RMDN2: variants seen among roughly 807,000 people sequenced by gnomAD.
RMDN2 encodes the protein regulator of microtubule dynamics 2.
In RMDN2, 61 loss-of-function variants were observed where a neutral mutation model predicts 52.8. The ratio of observed to expected loss-of-function variants is 1.16; its 90% CI spans 0.94 to 1.43. The LOEUF (loss-of-function observed/expected upper bound fraction) is 1.43, where lower values mean the gene tolerates loss of function less well. Among genes scored for constraint, RMDN2 ranks in the 40% most tolerant of loss-of-function variants. RMDN2 has a pLI of 0.00. For missense variants in RMDN2, 592 were observed against 475.3 expected, an observed-to-expected ratio of 1.25 and a Z score of -2.28; for synonymous variants, 180 against 153.1, an observed-to-expected ratio of 1.18 and a Z score of -1.30.
chr2:38,028,316 A>G (rs142532555), intron 10 of RMDN2: 186 of 152,392 alleles, frequency 1.2e-3, no homozygotes, highest in African/African-American at 4.0e-3. Flanking sequence ...TATCACGTCC[A>G]GAAAAATAAC....
chr2:38,039,982 A>T (rs1197511625), intron 10 of RMDN2, among the ~76,000 whole-genome samples: 1 of 151,646 alleles, frequency 6.6e-6, no homozygotes, highest in Non-Finnish European at 1.5e-5. Flanking sequence ...TGAATTTTAC[A>T]TTTAGGTCCA....
intron 2 of RMDN2, among the ~76,000 whole-genome samples, chr2:37,940,804 A>C (rs1049014214): frequency 1.3e-5 from 2 of 152,088 alleles, no homozygotes; most frequent in Admixed American, 6.5e-5. Context: ...CCTTTTATCA[A>C]GGTTCTTAGT....
chr2:37,923,323 A>G (rs1388950280), upstream of RMDN2: 2 of 152,222 alleles, frequency 1.3e-5, no homozygotes, highest in Non-Finnish European at 2.9e-5. Flanking sequence ...CTGAACCTGA[A>G]GATCAAGTCA....
chr2:38,006,024 A>G (rs1677032144), intron 10 of RMDN2, among the ~76,000 whole-genome samples: 1 of 152,044 alleles, frequency 6.6e-6, no homozygotes, highest in African/African-American at 2.4e-5. Flanking sequence ...GATATGCAGC[A>G]TTATTTCTGA....
chr2:38,048,795 G>A (rs1224577971), intron 10 of RMDN2, among the ~76,000 whole-genome samples: 2 of 152,220 alleles, frequency 1.3e-5, no homozygotes, highest in Non-Finnish European at 2.9e-5. Flanking sequence ...GAGAAGGGGT[G>A]GAGATTATTA....
intron 4 of RMDN2, among the ~76,000 whole-genome samples, chr2:37,977,230 C>T (rs1054834141): frequency 6.6e-6 from 1 of 152,242 alleles, no homozygotes; most frequent in African/African-American, 2.4e-5. Context: ...AATGGAGTCT[C>T]CTATGTCTAC....
rs1473279092 is a variant in RMDN2, at chr2:37,974,170, G to A, written c.583G>A (p.Gly195Ser). 3.1e-6 allele frequency: 5 copies of A among 1,613,112 alleles called. No individual in the cohort carries two copies. The highest frequency in any genetic ancestry group is 1.7e-6 in the Non-Finnish European group (2 of 1,179,602). Residue 195 changes from glycine (G) to serine (S), a missense_variant, in exon 3 of 11, where the codon GGC becomes AGC. Physicochemically the swap from Gly to Ser is moderately conservative, Grantham distance 56. Transcript: ENST00000354545. ...KVDHLRMSESGKSESFELLRD... is the reference protein window; with the variant it reads ...KVDHLRMSESSKSESFELLRD... ...AGATCATTTACGTATGAGTGAGTCT[G>A]GCAAGTCGGAGAGTTTTGAACTACT...
intron 8 of RMDN2, among the ~76,000 whole-genome samples, chr2:38,000,143 G>A: frequency 6.6e-6 from 1 of 152,180 alleles, no homozygotes; most frequent in East Asian, 1.9e-4. Flanking sequence ...TTAGACACCT[G>A]TAGGAGTCAT....
chr2:38,040,267 T>G (rs1396364912), intron 10 of RMDN2, among the ~76,000 whole-genome samples: 1 of 152,126 alleles, frequency 6.6e-6, no homozygotes, highest in African/African-American at 2.4e-5. Flanking sequence ...CTTTATAACT[T>G]TATAGCTGTA....
chr2:37,952,154 G>C (rs143216399), intron 2 of RMDN2: 524 of 1,612,968 alleles, frequency 3.2e-4, no homozygotes, highest in Non-Finnish European at 3.9e-4. Flanking sequence ...TTGCTGTCTT[G>C]TTTCAAGATG....
At chr2:37,965,100 T>A (rs1463273698) in intron 2 of RMDN2, among the ~76,000 whole-genome samples, 1 of 152,170 alleles carries the variant, frequency 6.6e-6, no homozygotes, top group Non-Finnish European at 1.5e-5. Context: ...CCTTCCATAT[T>A]CAACATATGT....
chr2:38,039,751 C>T (rs1258754835), intron 10 of RMDN2, among the ~76,000 whole-genome samples: 1 of 152,152 alleles, frequency 6.6e-6, no homozygotes, highest in Non-Finnish European at 1.5e-5. Flanking sequence ...CCAGGCTGGC[C>T]CTGCCCTCCC....
intron 2 of RMDN2, chr2:37,951,750 G>C (rs375054023): frequency 1.9e-5 from 31 of 1,612,634 alleles, no homozygotes; most frequent in Admixed American, 3.3e-5. Flanking sequence ...AACCATCTCT[G>C]CTCCTGAATA....
At chr2:37,956,238 A>G (rs1669441397) in intron 2 of RMDN2, among the ~76,000 whole-genome samples, 1 of 152,142 alleles carries the variant, frequency 6.6e-6, no homozygotes, top group African/African-American at 2.4e-5. Context: ...CTAGTTATAG[A>G]TCTATTCAGA....
downstream of RMDN2, among the ~76,000 whole-genome samples, chr2:38,019,550 G>A (rs1679182148): frequency 2.6e-5 from 4 of 152,136 alleles, no homozygotes; most frequent in South Asian, 8.3e-4. Flanking sequence ...CTCCAAATGG[G>A]TATTAACAAA....
At chr2:37,992,981 C>T (rs1300957242) in intron 7 of RMDN2, among the ~76,000 whole-genome samples, 1 of 152,170 alleles carries the variant, frequency 6.6e-6, no homozygotes, top group Non-Finnish European at 1.5e-5. Context: ...GTGGCATGAT[C>T]TCGGCTCACT....
At chr2:38,047,703 A>C (rs1331856569) in intron 10 of RMDN2, among the ~76,000 whole-genome samples, 3 of 152,170 alleles carry the variant, frequency 2.0e-5, no homozygotes, top group African/African-American at 7.2e-5. Flanking sequence ...ATGGAAAAAA[A>C]GTTTGACTTT....
intron 10 of RMDN2, among the ~76,000 whole-genome samples, chr2:38,039,787 C>T (rs960041825): frequency 2.0e-5 from 3 of 152,154 alleles, no homozygotes; most frequent in African/African-American, 7.2e-5. Flanking sequence ...CCAGTGTCGC[C>T]ATCTGACCCA....
intron 10 of RMDN2, among the ~76,000 whole-genome samples, chr2:38,046,455 A>G (rs1033978634): frequency 6.6e-6 from 1 of 152,208 alleles, no homozygotes; most frequent in Non-Finnish European, 1.5e-5. Context: ...TATCTGATGA[A>G]ATAATGACTA....
Sources: gnomAD v4.1 joint callset for allele counts (sites outside exome capture counted in the v4.1 genomes callset) on GRCh38, gnomAD v4.1.1 for gene constraint, MANE v1.5 for transcripts, NCBI Gene and HGNC (gene_info 2026-07-23, HGNC 2026-07-21) for gene names.